RCBTB2: variants seen among roughly 807,000 people sequenced by gnomAD.
The protein encoded by RCBTB2 is RCC1 and BTB domain-containing protein 2.
RCBTB2 carries 55 observed loss-of-function variants against 65.4 expected under a neutral mutation model. That is an observed-to-expected ratio of 0.84 (90% confidence interval 0.68 to 1.05). The LOEUF is 1.05. Among genes scored for constraint, RCBTB2 ranks in the 50% least tolerant of loss-of-function variants. RCBTB2 has a pLI of 0.00. For missense variants in RCBTB2, 599 were observed against 680.1 expected, an observed-to-expected ratio of 0.88 and a Z score of 1.33; for synonymous variants, 220 against 255.2, an observed-to-expected ratio of 0.86 and a Z score of 1.31.
At chr13:48,529,757 C>T (rs758235436) in intron 1 of RCBTB2, among the ~76,000 whole-genome samples, 6 of 152,138 alleles carry the variant, frequency 3.9e-5, no homozygotes, top group Non-Finnish European at 7.3e-5. Context: ...GCAAGCCATC[C>T]ACTCCTTTGA....
At chr13:48,495,374 A>G (rs1949923158) in intron 14 of RCBTB2, among the ~76,000 whole-genome samples, 1 of 148,906 alleles carries the variant, frequency 6.7e-6, no homozygotes, top group South Asian at 2.1e-4. Flanking sequence ...TCAGCTATTT[A>G]TACTTTTTCA....
rs1950881609 is a variant in RCBTB2 at position 48,512,874 on chromosome 13, C to T, written c.371G>A (p.Gly124Asp). 1.2e-6 allele frequency: 2 copies of T among 1,611,906 alleles called. No individual in the cohort carries two copies. Among genetic ancestry groups the T allele is most frequent in the Admixed American group, 1.7e-5 (1 of 59,886 alleles). The change falls in exon 7 of 15, where the codon GGT (glycine) becomes GAT (aspartate). Residue 124 changes from glycine (G) to aspartate (D), a missense_variant. Physicochemically the swap from Gly to Asp is moderately conservative, Grantham distance 94 (BLOSUM62 -1). Transcript: ENST00000344532. The stretch of plus-strand genomic sequence containing the variant: ...GCCCAGCTGGCTATAAGCATTATGA[C>T]CCCAGGTAAAGACTTCTCCTTCTGA... Reference protein sequence around the residue: ...ATTEGEVFTWGHNAYSQLGNG... With the variant: ...ATTEGEVFTWDHNAYSQLGNG...
chr13:48,522,379 A>G lies in RCBTB2; in HGVS notation c.-95T>C, dbSNP rs1951476906. The G allele has an allele frequency of 6.7e-7, 1 of 1,483,062 alleles. No individual in the cohort carries two copies. Among genetic ancestry groups the G allele is most frequent in the African/African-American group, 1.4e-5 (1 of 71,968 alleles). 91.9% of individuals were successfully genotyped at this position (1,483,062 alleles called of 1,614,324 possible). ...AGAGCGGACATCAATTCTCAGCTCC[A>G]CAGAAGAATATATGATTTGCTAAGC... On this transcript the variant is annotated 5_prime_UTR_variant, in exon 3 of 15. Transcript: ENST00000344532.
At chr13:48,510,072 A>G (rs1019460553) in intron 10 of RCBTB2, among the ~76,000 whole-genome samples, 6 of 152,244 alleles carry the variant, frequency 3.9e-5, no homozygotes, top group Non-Finnish European at 5.9e-5. Context: ...TGGATGTGCT[A>G]ATTACATAAC....
At chr13:48,535,629 G>T, upstream of RCBTB2, 1 of 455,872 alleles carries the variant, frequency 2.2e-6, no homozygotes, top group Non-Finnish European at 4.4e-6. Flanking sequence ...TCTTGGCAAA[G>T]TCACCAATGA....
chr13:48,490,344 A>G, intron 14 of RCBTB2, 93 bp from the exon 15 acceptor site: 1 of 1,083,606 alleles, frequency 9.2e-7, no homozygotes, highest in Non-Finnish European at 1.4e-6. Context: ...TAGGCAAAGA[A>G]AAAGGATTTA....
rs1045917792 is a variant in RCBTB2, at chr13:48,512,139, T to C, written c.552A>G (p.Val184=). ...GCTGATTAACTGTTGATCCAGATCC[T>C]ACCTGCCCAGAGTTATTATAACCCC... ...FAWGYNNSGQ[V]GSGSTVNQPI... is the part of the protein sequence containing the mutation. The change falls in exon 8 of 15, where the codon GTA becomes GTG. Residue 184 remains valine, a synonymous_variant. Transcript: ENST00000344532. 1.2e-6 allele frequency: 2 copies of C among 1,614,144 alleles called. No individual in the cohort carries two copies. Among genetic ancestry groups the C allele is most frequent in the African/African-American group, 1.3e-5 (1 of 75,050 alleles).
Position 48,512,879 on chromosome 13 carries a change from G to C in RCBTB2, c.366C>G (p.Thr122=). The change falls in exon 7 of 15, where the codon ACC becomes ACG. Residue 122 remains threonine (T), a synonymous_variant. Coordinates refer to ENST00000344532, the MANE Select transcript of RCBTB2 (RefSeq NM_001268.4). ...GCTGGCTATAAGCATTATGACCCCA[G>C]GTAAAGACTTCTCCTTCTGAAAATA... ...VLATTEGEVF[T]WGHNAYSQLG... 5.6e-6 allele frequency: 9 copies of C among 1,608,378 alleles called. No individual in the cohort carries two copies. Among genetic ancestry groups the C allele is most frequent in the Non-Finnish European group, 7.6e-6 (9 of 1,177,090 alleles).
At chr13:48,532,869 G>C (rs189122870) in intron 1 of RCBTB2, 159 bp downstream of exon 1, 172 of 390,948 alleles carry the variant, frequency 4.4e-4, no homozygotes, top group Non-Finnish European at 6.1e-4. Flanking sequence ...CCTGTGGCAC[G>C]GTCGCGGCTC....
chr13:48,499,098 C>T (rs962739806), intron 13 of RCBTB2, among the ~76,000 whole-genome samples: 6 of 137,632 alleles, frequency 4.4e-5, no homozygotes, highest in African/African-American at 9.9e-5. Flanking sequence ...GCCTCTCTCC[C>T]GACCCCCACC....
In RCBTB2 at chr13:48,493,311, A is replaced by ACTCTCTCTCTCTCTCTCT. The variant is rs773819158; in HGVS notation, c.1515+2879_1515+2880insAGAGAGAGAGAGAGAGAG. On this transcript the variant is annotated intron_variant, in intron 14 of 14. Transcript: ENST00000344532. Reference sequence around the variant, plus strand: ...TCTCCACACACACACACACACACACACACACTCTCTCTCTCTCTCTCTCTC... The same window carrying ACTCTCTCTCTCTCTCTCT: ...TCTCCACACACACACACACACACACACTCTCTCTCTCTCTCTCTCACACTCTCTCTCTCTCTCTCTCTC... Among the ~76,000 whole-genome samples the ACTCTCTCTCTCTCTCTCT allele has an allele frequency of 6.3e-3, 361 of 57,318 alleles. 2 individuals carry two copies. The highest frequency in any genetic ancestry group is 0.028 in the East Asian group (50 of 1,766). 37.6% of individuals were successfully genotyped at this position (57,318 alleles called of 152,430 possible). A position where few individuals can be genotyped will look rare whatever the true frequency, so the allele number is the denominator to read the frequency against.
At chr13:48,499,491 T>G in intron 13 of RCBTB2, 130 bp downstream of exon 13, 1 of 924,684 alleles carries the variant, frequency 1.1e-6, no homozygotes, top group Non-Finnish European at 1.6e-6. Flanking sequence ...GAAACGTGTT[T>G]GGATTCAACA....
intron 1 of RCBTB2, among the ~76,000 whole-genome samples, chr13:48,531,737 C>T (rs1473032749): frequency 2.0e-5 from 3 of 152,198 alleles, no homozygotes; most frequent in Admixed American, 2.0e-4. Flanking sequence ...TTACGTTTCA[C>T]CTAGAATACT....
At chr13:48,529,333 A>G (rs1951976521) in intron 1 of RCBTB2, among the ~76,000 whole-genome samples, 1 of 152,214 alleles carries the variant, frequency 6.6e-6, no homozygotes, top group Admixed American at 6.5e-5. Flanking sequence ...TTCCTTCAAC[A>G]TGGCAGGCCC....
chr13:48,503,043 C>A lies in RCBTB2; in HGVS notation c.927-129G>T, dbSNP rs1242503762. On this transcript the variant is annotated intron_variant, in intron 10 of 14. Transcript: ENST00000344532. ...AAAAAGGGTCAGGAAAAGGAAAAAACAAAACAAAACAAACCACCACATGAC... is the reference window on the plus strand; with the variant it reads ...AAAAAGGGTCAGGAAAAGGAAAAAAAAAAACAAAACAAACCACCACATGAC... 7.1e-6 allele frequency: 7 copies of A among 988,720 alleles called. No homozygotes were observed. The South Asian group carries it at 1.1e-4, about 16-fold the overall frequency. The allele number at this position is 988,720 out of a possible 1,614,324, so 61.2% of individuals were successfully genotyped here. A position where few individuals can be genotyped will look rare whatever the true frequency, so the allele number is the denominator to read the frequency against.
Position 48,502,917 on chromosome 13 carries a change from A to G in RCBTB2, c.927-3T>C. ...GACAGGCTGCAATCTCGATAATCCT[A>G]AATTCACAAACACACACCACATAAG... On this transcript the variant is annotated splice_polypyrimidine_tract_variant and splice_region_variant and intron_variant, in intron 10 of 14. Coordinates refer to ENST00000344532, the MANE Select transcript of RCBTB2 (RefSeq NM_001268.4). The G allele has an allele frequency of 6.2e-7, 1 of 1,606,142 alleles. No homozygotes were observed. The highest frequency in any genetic ancestry group is 8.5e-7 in the Non-Finnish European group (1 of 1,175,176).
chr13:48,504,407 G>C (rs988116152), intron 10 of RCBTB2: 7 of 850,028 alleles, frequency 8.2e-6, no homozygotes, highest in African/African-American at 5.5e-5. Context: ...CAACAAACAG[G>C]CTTTCTCATT....
upstream of RCBTB2, among the ~76,000 whole-genome samples, chr13:48,535,320 A>G (rs1036698417): frequency 6.6e-6 from 1 of 150,388 alleles, no homozygotes; most frequent in East Asian, 1.9e-4. Flanking sequence ...CAGTGGCGCA[A>G]TCTCAGCTCA....
chr13:48,521,457 A>T (rs909963077), intron 4 of RCBTB2, among the ~76,000 whole-genome samples: 1 of 152,232 alleles, frequency 6.6e-6, no homozygotes, highest in Admixed American at 6.5e-5. Context: ...GAGTAGACAT[A>T]AGTTGGTTGA....
Sources: allele counts gnomAD v4.1 joint callset (sites outside exome capture counted in the v4.1 genomes callset), GRCh38; gene constraint gnomAD v4.1.1; transcripts MANE v1.5; gene names NCBI Gene and HGNC (gene_info 2026-07-23, HGNC 2026-07-21).